ADAM22: variants seen among roughly 807,000 people sequenced by gnomAD.
The protein encoded by ADAM22 is ADAM metallopeptidase domain 22, also known as disintegrin and metalloproteinase domain-containing protein 22.
Under a neutral mutation model 144.6 loss-of-function variants are expected in ADAM22, and 65 were observed. The observed-to-expected ratio is 0.45, with a 90% CI of 0.37 to 0.55. The LOEUF (loss-of-function observed/expected upper bound fraction) is 0.55. Among genes scored for constraint, ADAM22 ranks in the 20% least tolerant of loss-of-function variants. The pLI is 0.00. For missense variants in ADAM22, 974 were observed against 1,184.9 expected (o/e 0.82, Z 2.61); for synonymous variants, 391 against 412.6 (o/e 0.95, Z 0.63).
At chr7:87,978,501 C>G (rs1852451863) in intron 3 of ADAM22, 89 bp downstream of exon 3, 1 of 1,071,232 alleles carries the variant, frequency 9.3e-7, no homozygotes, top group Admixed American at 2.0e-5. Context: ...CTATATTTTA[C>G]TTTGTCTTCC....
At chr7:88,161,268 T>C (rs1268569748) in intron 22 of ADAM22, among the ~76,000 whole-genome samples, 2 of 150,336 alleles carry the variant, frequency 1.3e-5, no homozygotes, top group African/African-American at 4.9e-5. Context: ...GCTAGCCATA[T>C]GCAGAAGATT....
chr7:88,128,080 C>A (rs977161796), intron 8 of ADAM22, among the ~76,000 whole-genome samples: 3 of 151,838 alleles, frequency 2.0e-5, no homozygotes, highest in Non-Finnish European at 4.4e-5. Context: ...TGACTCACTC[C>A]CAGTTTGGAG....
chr7:88,158,790 C>T (rs907403055), intron 22 of ADAM22, among the ~76,000 whole-genome samples: 1 of 151,860 alleles, frequency 6.6e-6, no homozygotes, highest in Non-Finnish European at 1.5e-5. Flanking sequence ...GCCCTAAATG[C>T]CCTCATCAAA....
At chr7:88,165,313 A>G (rs1314058658) in intron 23 of ADAM22, among the ~76,000 whole-genome samples, 2 of 152,100 alleles carry the variant, frequency 1.3e-5, no homozygotes, top group Non-Finnish European at 2.9e-5. Context: ...GCTAGTATCT[A>G]CAGCATGGGT....
intron 4 of ADAM22, among the ~76,000 whole-genome samples, chr7:88,098,629 A>C (rs971885404): frequency 6.6e-6 from 1 of 152,244 alleles, no homozygotes; most frequent in Non-Finnish European, 1.5e-5. Context: ...CCTATATTTT[A>C]TGGTGTTCAC....
intron 3 of ADAM22, among the ~76,000 whole-genome samples, chr7:88,056,931 G>A (rs1393305291): frequency 6.6e-6 from 1 of 152,130 alleles, no homozygotes; most frequent in Non-Finnish European, 1.5e-5. Flanking sequence ...GCCAGTTTTA[G>A]GAGTGATTAT....
rs940379848 is a variant in ADAM22, at chr7:88,155,468, G to A, written c.1788-419G>A. On this transcript the variant is annotated intron_variant, in intron 21 of 31. Transcript: ENST00000413139. ...AATCAGGAGTTTGAGGCTGCAGTGA[G>A]CCATGATTACACCACTACACTCCAA... 7.3e-5 allele frequency among the ~76,000 whole-genome samples: 11 copies of A among 150,510 alleles called. No homozygotes were observed. The East Asian group carries it at 2.2e-3, about 30-fold the overall frequency.
At chr7:88,045,111 G>A (rs556764687) in intron 3 of ADAM22, among the ~76,000 whole-genome samples, 136 of 150,852 alleles carry the variant, frequency 9.0e-4, no homozygotes, top group African/African-American at 3.1e-3. Context: ...TCCGCCTCCC[G>A]GGTTCAGGCG....
intron 2 of ADAM22, 128 bp downstream of exon 2, chr7:87,935,314 C>T (rs1285028641): frequency 9.4e-7 from 1 of 1,059,316 alleles, no homozygotes; most frequent in Non-Finnish European, 1.3e-6. Context: ...CGATGCGAGT[C>T]ATGCATGGCG....
At chr7:87,955,511 G>T (rs186172950) in intron 2 of ADAM22, among the ~76,000 whole-genome samples, 1,670 of 152,192 alleles carry the variant, frequency 0.011, 28 homozygotes, top group African/African-American at 0.037. Context: ...TCTCAGAGGA[G>T]TACCCGGCCG....
chr7:88,131,562 T>G (rs749062263), intron 11 of ADAM22, 127 bp downstream of exon 11: 7 of 956,328 alleles, frequency 7.3e-6, no homozygotes, highest in Non-Finnish European at 1.1e-5. Context: ...GCAGATAGAT[T>G]TGGAAAAAGT....
chr7:88,095,310 G>A (rs1820965535), intron 4 of ADAM22, among the ~76,000 whole-genome samples: 1 of 152,082 alleles, frequency 6.6e-6, no homozygotes, highest in African/African-American at 2.4e-5. Flanking sequence ...TCAGCATTTA[G>A]CATAATATTT....
rs1469330344 is a variant in ADAM22 at position 88,168,146 on chromosome 7, G to A, written c.2201G>A (p.Gly734Asp). 6.2e-7 allele frequency: 1 copy of A among 1,612,780 alleles called. No homozygotes were observed. The highest frequency in any genetic ancestry group is 8.5e-7 in the Non-Finnish European group (1 of 1,179,408). ...GITLSGNGVA[G>D]TNIIIGIIAG... ...TTTTTTTTCCTCTCAGGTGTTGCTG[G>A]CACCAATATCATAATAGGCATAATT... The change falls in exon 25 of 32, where the codon GGC (glycine) becomes GAC (aspartate). Residue 734 changes from glycine to aspartate, a missense_variant. Around this residue, in one of 2 missense-constraint regions of ADAM22, gnomAD observed 734 missense variants for 950.6 expected, o/e 0.77. Coordinates refer to ENST00000413139, the MANE Select transcript of ADAM22 (RefSeq NM_001324418.2).
chr7:88,180,694 A>G (rs1408276161), intron 27 of ADAM22, among the ~76,000 whole-genome samples: 1 of 152,184 alleles, frequency 6.6e-6, no homozygotes, highest in Non-Finnish European at 1.5e-5. Flanking sequence ...AATAATTCCC[A>G]GATTTTAGAA....
chr7:88,171,477 C>T, intron 25 of ADAM22, 67 bp from the exon 26 acceptor site: 2 of 1,433,332 alleles, frequency 1.4e-6, no homozygotes, highest in Admixed American at 4.1e-5. Flanking sequence ...AGAGCTCCCT[C>T]TTGATGTCCT....
intron 7 of ADAM22, among the ~76,000 whole-genome samples, chr7:88,118,667 A>C (rs150190389): frequency 4.0e-5 from 6 of 150,022 alleles, no homozygotes; most frequent in Admixed American, 2.7e-4. Context: ...ATATATATAT[A>C]TATCTTTTTT....
At chr7:88,145,080 G>A in intron 15 of ADAM22, 45 bp from the exon 16 acceptor site, 2 of 1,575,418 alleles carry the variant, frequency 1.3e-6, no homozygotes, top group East Asian at 4.5e-5. Flanking sequence ...AGTCTTTGAT[G>A]TTGATTTTTC....
intron 29 of ADAM22, among the ~76,000 whole-genome samples, chr7:88,185,203 T>C (rs1229460066): frequency 1.3e-5 from 2 of 152,192 alleles, no homozygotes; most frequent in East Asian, 3.9e-4. Context: ...GCAAAACTAG[T>C]GTGAGTTGTT....
rs375144089 is a variant in ADAM22, at chr7:88,196,556, C to T, written c.*65C>T. The T allele has an allele frequency of 8.5e-6, 13 of 1,532,064 alleles. No individual in the cohort carries two copies. The highest frequency in any genetic ancestry group is 5.4e-6 in the Non-Finnish European group (6 of 1,106,490). 94.9% of individuals were successfully genotyped at this position (1,532,064 alleles called of 1,614,324 possible). A position where few individuals can be genotyped will look rare whatever the true frequency, so the allele number is the denominator to read the frequency against. On this transcript the variant is annotated 3_prime_UTR_variant, in exon 32 of 32. Coordinates refer to ENST00000413139, the MANE Select transcript of ADAM22 (RefSeq NM_001324418.2). ...TTCAACTTTTATAGAAACCCAGGCT[C>T]ATGGAATCACTGCAAATCTATCTGC...
Sources: allele counts gnomAD v4.1 joint callset (sites outside exome capture counted in the v4.1 genomes callset), GRCh38; gene constraint gnomAD v4.1.1; regional missense constraint gnomAD v4.1.1; transcripts MANE v1.5; gene names NCBI Gene and HGNC (gene_info 2026-07-23, HGNC 2026-07-21).